Variants in SH3BGRL observed in about 807,000 individuals in gnomAD.
SH3BGRL encodes adapter SH3BGRL.
In SH3BGRL, 7 loss-of-function variants were observed where a neutral mutation model predicts 9.8. That is an observed-to-expected ratio of 0.72 (90% CI 0.41 to 1.35). The LOEUF (loss-of-function observed/expected upper bound fraction) is 1.35. Among genes scored for constraint, SH3BGRL ranks in the 40% most tolerant of loss-of-function variants. The probability of loss-of-function intolerance (pLI) is 0.01; values close to 1 mark genes in which losing one functional copy is unlikely to be tolerated. For synonymous variants in SH3BGRL, 36 were observed against 29.1 expected (o/e 1.24, Z -0.76); for missense variants, 73 against 84.4 (o/e 0.86, Z 0.53).
At position 81,285,373 on chromosome X, in the gene SH3BGRL, G is replaced by C. The variant is rs573433095; in HGVS notation, c.312+6962G>C. On this transcript the variant is annotated intron_variant, in intron 3 of 3. Transcript: ENST00000373212. The stretch of plus-strand genomic sequence containing the variant: ...TGGATTGAAACAGTTGCTATAATAC[G>C]TTACTGATGTTGGCATAAATTGGTA... 7.7e-4 allele frequency among the ~76,000 whole-genome samples: 86 copies of C among 111,640 alleles called. No individual in the cohort carries two copies. The South Asian group carries it at 0.032, about 41-fold the overall frequency.
chrX:81,285,346 G>A (rs1167434880), intron 3 of SH3BGRL, among the ~76,000 whole-genome samples: 1 of 111,423 alleles, frequency 9.0e-6, no homozygotes, highest in Non-Finnish European at 1.9e-5. Flanking sequence ...TGCTGAGAAG[G>A]GTGGATTGAA....
chrX:81,254,891 GTTTTT>G (rs762259496), intron 1 of SH3BGRL, among the ~76,000 whole-genome samples: 1 of 96,442 alleles, frequency 1.0e-5, no homozygotes. Context: ...TCTTTCTTAA[GTTTTT>G]TTTTTTTTTT....
At chrX:81,279,964 C>T (rs772989647) in intron 3 of SH3BGRL, among the ~76,000 whole-genome samples, 1 of 111,466 alleles carries the variant, frequency 9.0e-6, no homozygotes, top group African/African-American at 3.3e-5. Context: ...TGCCCTCCAC[C>T]TGGAAACAGA....
intron 3 of SH3BGRL, among the ~76,000 whole-genome samples, chrX:81,290,699 T>C (rs1234545658): frequency 9.0e-6 from 1 of 110,932 alleles, no homozygotes; most frequent in Non-Finnish European, 1.9e-5. Flanking sequence ...ATTAATTGTA[T>C]ACTTTAAGAT....
chrX:81,238,095 A>C (rs1471905571), intron 1 of SH3BGRL, among the ~76,000 whole-genome samples: 2 of 110,139 alleles, frequency 1.8e-5, no homozygotes, highest in Non-Finnish European at 3.8e-5. Context: ...AGTGATTCCC[A>C]GGTACTACAT....
chrX:81,207,555 G>A (rs2075551181), intron 1 of SH3BGRL, among the ~76,000 whole-genome samples: 1 of 112,183 alleles, frequency 8.9e-6, no homozygotes, highest in Non-Finnish European at 1.9e-5. Context: ...ATGTTTTGCT[G>A]CTCTGTCTGT....
Position 81,297,532 on chromosome X carries a change from C to G in SH3BGRL, c.*305C>G, listed in dbSNP as rs776170262. The G allele has an allele frequency of 1.6e-4, 26 of 160,454 alleles. No individual in the cohort carries two copies. In the East Asian group the frequency reaches 3.3e-3, roughly 21 times the overall value. 13.2% of individuals were successfully genotyped at this position (160,454 alleles called of 1,213,427 possible). A position where few individuals can be genotyped will look rare whatever the true frequency, so the allele number is the denominator to read the frequency against. ...TTTTACAAAGAAAACACCCTTCCCT[C>G]CTTCTGCCATTACTATGGCAACTTA... On this transcript the variant is annotated 3_prime_UTR_variant, in exon 4 of 4. Coordinates refer to ENST00000373212, the MANE Select transcript of SH3BGRL (RefSeq NM_003022.3).
chrX:81,226,847 G>C (rs766239638), intron 1 of SH3BGRL, among the ~76,000 whole-genome samples: 52 of 110,438 alleles, frequency 4.7e-4, no homozygotes, highest in African/African-American at 1.6e-3. Context: ...CCCTCAGAAG[G>C]AAAGAGTTTT....
intron 1 of SH3BGRL, among the ~76,000 whole-genome samples, chrX:81,253,993 T>G (rs1170111457): frequency 9.0e-6 from 1 of 111,682 alleles, no homozygotes. Context: ...TGATTACTGC[T>G]GTATCTGTGG....
intron 1 of SH3BGRL, among the ~76,000 whole-genome samples, chrX:81,225,301 A>T (rs2075613373): frequency 9.0e-6 from 1 of 111,195 alleles, no homozygotes; most frequent in Non-Finnish European, 1.9e-5. Context: ...TTTATAATTT[A>T]GGGGGTACAA....
intron 1 of SH3BGRL, among the ~76,000 whole-genome samples, chrX:81,274,717 C>G (rs1983792907): frequency 9.1e-6 from 1 of 110,360 alleles, no homozygotes; most frequent in Admixed American, 9.6e-5. Flanking sequence ...AAGACCCTAT[C>G]TTGGAAAAAA....
chrX:81,292,825 T>G (rs1258120367), intron 3 of SH3BGRL, among the ~76,000 whole-genome samples: 1 of 111,756 alleles, frequency 8.9e-6, no homozygotes, highest in Non-Finnish European at 1.9e-5. Flanking sequence ...AAATCAGGGA[T>G]GTCCAATCAT....
chrX:81,254,856 T>C (rs2075720573), intron 1 of SH3BGRL, among the ~76,000 whole-genome samples: 1 of 111,440 alleles, frequency 9.0e-6, no homozygotes, highest in Non-Finnish European at 1.9e-5. Flanking sequence ...TTAATATACA[T>C]TGCTTTGTGG....
chrX:81,252,897 AAAAC>A lies in SH3BGRL; in HGVS notation c.46-24080_46-24077del, dbSNP rs1410469767. Reference sequence around the variant, plus strand: ...ACTTACTACTAATATTGATAAAATTAAAACAAACAAGAGAAAAAAGCAGTTCTGC... The same window carrying A: ...ACTTACTACTAATATTGATAAAATTAAAACAAGAGAAAAAAGCAGTTCTGC... On this transcript the variant is annotated intron_variant, in intron 1 of 3. Coordinates refer to ENST00000373212, the MANE Select transcript of SH3BGRL (RefSeq NM_003022.3). Among the ~76,000 whole-genome samples, 3 of 99,619 alleles carry A rather than the reference AAAAC, an allele frequency of 3.0e-5. No individual in the cohort carries two copies. The Admixed American group carries it at 3.1e-4, about 10-fold the overall frequency. The allele number at this position is 99,619 out of a possible 115,157, so 86.5% of individuals were successfully genotyped here. A position where few individuals can be genotyped will look rare whatever the true frequency, so the allele number is the denominator to read the frequency against.
intron 1 of SH3BGRL, among the ~76,000 whole-genome samples, chrX:81,211,114 A>G (rs1303319231): frequency 8.9e-6 from 1 of 112,113 alleles, no homozygotes; most frequent in Non-Finnish European, 1.9e-5. Flanking sequence ...AGGTCATAAA[A>G]CTTTCTTTGC....
chrX:81,292,558 G>A (rs754314105), intron 3 of SH3BGRL, among the ~76,000 whole-genome samples: 1 of 112,491 alleles, frequency 8.9e-6, no homozygotes, highest in Non-Finnish European at 1.9e-5. Flanking sequence ...TATTGTCTTG[G>A]CTATTAACAT....
Position 81,297,346 on chromosome X carries a change from G to T in SH3BGRL, c.*119G>T. 6 of 534,957 alleles carry T rather than the reference G, an allele frequency of 1.1e-5. No homozygotes were observed. In the South Asian group the frequency reaches 2.5e-4, roughly 22 times the overall value. 44.1% of individuals were successfully genotyped at this position (534,957 alleles called of 1,213,427 possible). A position where few individuals can be genotyped will look rare whatever the true frequency, so the allele number is the denominator to read the frequency against. ...TAATGTTGAAATAATAGATTAGTTG[G>T]GTTTTCACATGCAAACATTCAAAAT... On this transcript the variant is annotated 3_prime_UTR_variant, in exon 4 of 4. Transcript: ENST00000373212.
chrX:81,265,212 C>CT (rs898449942), intron 1 of SH3BGRL, among the ~76,000 whole-genome samples: 5 of 99,405 alleles, frequency 5.0e-5, no homozygotes, highest in South Asian at 5.3e-4. Flanking sequence ...TTTTTTTTTT[C>CT]TTTTTTTTAA....
intron 1 of SH3BGRL, among the ~76,000 whole-genome samples, chrX:81,225,649 A>G (rs1325373983): frequency 9.0e-6 from 1 of 111,436 alleles, no homozygotes; most frequent in African/African-American, 3.3e-5. Context: ...TTCTTTATCC[A>G]ATCATCCACT....
Sources: allele counts gnomAD v4.1 joint callset (sites outside exome capture counted in the v4.1 genomes callset), GRCh38; gene constraint gnomAD v4.1.1; transcripts MANE v1.5; gene names NCBI Gene and HGNC (gene_info 2026-07-23, HGNC 2026-07-21).